Variants in DENND2B observed in about 807,000 individuals in gnomAD.
The protein encoded by DENND2B is DENN domain-containing protein 2B.
A neutral mutation model predicts 116.0 loss-of-function variants in DENND2B; 32 were observed. The observed-to-expected ratio is 0.28, with a 90% CI of 0.21 to 0.37. DENND2B has a LOEUF of 0.37. Ranked by LOEUF, DENND2B falls within the 10% of genes least tolerant of loss-of-function variation. The pLI is 1.00. For synonymous variants in DENND2B, 588 were observed against 583.9 expected, an observed-to-expected ratio of 1.01 and a Z score of -0.10; for missense variants, 1,276 against 1,477.7, an observed-to-expected ratio of 0.86 and a Z score of 2.24.
At chr11:8,713,211 T>C (rs2044087527) in intron 8 of DENND2B, among the ~76,000 whole-genome samples, 1 of 152,070 alleles carries the variant, frequency 6.6e-6, no homozygotes, top group African/African-American at 2.4e-5. Flanking sequence ...CAAAGATTTA[T>C]CCAAGGACCC....
intron 1 of DENND2B, among the ~76,000 whole-genome samples, chr11:8,760,919 GAC>G (rs1199287037): frequency 6.6e-6 from 1 of 152,136 alleles, no homozygotes; most frequent in East Asian, 1.9e-4. Flanking sequence ...CCACAGGAAA[GAC>G]AATTTTTTTG....
chr11:8,715,540 GAA>G, intron 6 of DENND2B, 61 bp downstream of exon 6: 1 of 1,545,556 alleles, frequency 6.5e-7, no homozygotes, highest in Non-Finnish European at 8.9e-7. Flanking sequence ...GAAAGAGAGA[GAA>G]AGGCTGGCTG....
At chr11:8,862,347 T>G (rs1283317435) in intron 2 of DENND2B, among the ~76,000 whole-genome samples, 1 of 55,216 alleles carries the variant, frequency 1.8e-5, no homozygotes, top group African/African-American at 5.6e-5. Context: ...TTTTTTTTTT[T>G]GAGACAGGGT....
chr11:8,706,801 G>A (rs1002328595), intron 13 of DENND2B, among the ~76,000 whole-genome samples: 3 of 152,200 alleles, frequency 2.0e-5, no homozygotes, highest in South Asian at 4.1e-4. Context: ...CTGATTGTGA[G>A]ATGGCACACA....
intron 2 of DENND2B, among the ~76,000 whole-genome samples, chr11:8,738,460 G>A (rs376237714): frequency 4.6e-5 from 7 of 152,114 alleles, no homozygotes; most frequent in African/African-American, 1.2e-4. Flanking sequence ...CATTCCAGAG[G>A]GGGGAGAAAA....
intron 2 of DENND2B, among the ~76,000 whole-genome samples, chr11:8,864,456 G>T (rs900250629): frequency 8.5e-5 from 13 of 152,074 alleles, no homozygotes; most frequent in African/African-American, 3.1e-4. Context: ...TTTTCATAAG[G>T]ACAGAGTCTC....
chr11:8,881,047 C>T (rs2063899379), exon 2 of DENND2B: 3 of 152,162 alleles, frequency 2.0e-5, no homozygotes, highest in South Asian at 4.1e-4. Context: ...CTCATGTCTT[C>T]CTGTTTCCTG....
At chr11:8,721,849 C>T (rs140687933) in intron 4 of DENND2B, among the ~76,000 whole-genome samples, 79 of 152,358 alleles carry the variant, frequency 5.2e-4, no homozygotes, top group African/African-American at 1.7e-3. Flanking sequence ...CTGACTGGCC[C>T]GGTCCCCGGC....
At chr11:8,825,566 C>T (rs1329767707) in intron 4 of DENND2B, among the ~76,000 whole-genome samples, 1 of 151,768 alleles carries the variant, frequency 6.6e-6, no homozygotes, top group Non-Finnish European at 1.5e-5. Context: ...ATCATGGTTA[C>T]CCTTTTTATC....
In DENND2B at chr11:8,702,549, T is replaced by A; in HGVS notation, c.2720+23A>T. On this transcript the variant is annotated intron_variant, in intron 14 of 19. Coordinates refer to ENST00000313726, the MANE Select transcript of DENND2B (RefSeq NM_213618.2). This position sits in a 1 kb window ranked among gnomAD's most constrained non-coding sequence, Gnocchi z 4.6. ...GTGTGCCTTCCCCCCTCCCTTCTGC[T>A]TTCTTGCCCGGCTGGGCCCTACCTG... The A allele has an allele frequency of 2.5e-6, 4 of 1,608,706 alleles. No homozygotes were observed. Among genetic ancestry groups the A allele is most frequent in the Non-Finnish European group, 3.4e-6 (4 of 1,179,926 alleles).
intron 3 of DENND2B, among the ~76,000 whole-genome samples, chr11:8,856,900 T>G (rs940267267): frequency 6.6e-6 from 1 of 152,040 alleles, no homozygotes; most frequent in Admixed American, 6.6e-5. Flanking sequence ...ACTACAGATG[T>G]GTGCCACCAT....
At chr11:8,694,443 G>A (rs2039959697) in intron 19 of DENND2B, 2 of 450,192 alleles carry the variant, frequency 4.4e-6, no homozygotes, top group South Asian at 1.9e-5. Context: ...TTGCAGGAAG[G>A]GCACTCGCAC....
intron 4 of DENND2B, among the ~76,000 whole-genome samples, chr11:8,832,228 G>A (rs1033019346): frequency 2.3e-4 from 35 of 152,032 alleles, no homozygotes; most frequent in South Asian, 4.1e-4. Context: ...CGAGGTGGGC[G>A]GATCACAAGG....
intron 1 of DENND2B, among the ~76,000 whole-genome samples, chr11:8,774,971 C>T (rs1333372010): frequency 1.3e-5 from 2 of 151,890 alleles, no homozygotes; most frequent in African/African-American, 4.8e-5. Flanking sequence ...ACTTCCACCT[C>T]CCAGGTTCAT....
chr11:8,730,357 G>T lies in DENND2B; in HGVS notation c.933C>A (p.Asp311Glu), dbSNP rs1462102229. The change falls in exon 3 of 20, where the codon GAC becomes GAA. Residue 311 changes from aspartate (D) to glutamate (E), a missense_variant. By Grantham distance (45) the Asp-to-Glu change is conservative (BLOSUM62 2). Transcript: ENST00000313726. This position sits in a 1 kb window ranked among gnomAD's most constrained non-coding sequence, Gnocchi z 4.1. ...PQLPSSCYSVDRGKRKTGTLG... is the reference protein window; with the variant it reads ...PQLPSSCYSVERGKRKTGTLG... ...AGGTTCCAGTCTTCCTTTTCCCCCGGTCCACGCTGTAGCAGCTGCTGGGGA... is the reference window on the plus strand; with the variant it reads ...AGGTTCCAGTCTTCCTTTTCCCCCGTTCCACGCTGTAGCAGCTGCTGGGGA... The T allele has an allele frequency of 1.2e-6, 2 of 1,602,376 alleles. No individual in the cohort carries two copies. Among genetic ancestry groups the T allele is most frequent in the Non-Finnish European group, 8.5e-7 (1 of 1,179,060 alleles).
intron 1 of DENND2B, among the ~76,000 whole-genome samples, chr11:8,901,229 C>CTTTTTTTTTTT (rs1555223231): frequency 6.0e-5 from 5 of 83,920 alleles, no homozygotes; most frequent in South Asian, 3.8e-4. Flanking sequence ...CTTTTCTTTT[C>CTTTTTTTTTTT]TTTTTTTTTT....
intron 1 of DENND2B, chr11:8,766,582 C>A: frequency 7.8e-7 from 1 of 1,277,124 alleles, no homozygotes; most frequent in African/African-American, 1.5e-5. Flanking sequence ...CACTGACAGA[C>A]CATCCACTGA....
At position 8,704,556 on chromosome 11, in the gene DENND2B, C is replaced by G. The variant is rs144176846; in HGVS notation, c.2572-1836G>C. On this transcript the variant is annotated intron_variant, in intron 13 of 19. Transcript: ENST00000313726. ...AAGAGGCGAGGAGAAAGCCCTCAAG[C>G]TAGGATTTGCCACTGCTCAGCAAGC... Among the ~76,000 whole-genome samples the G allele has an allele frequency of 4.4e-3, 663 of 152,348 alleles. 4 individuals are homozygous for G. The highest frequency in any genetic ancestry group is 0.015 in the African/African-American group (620 of 41,588).
At chr11:8,862,062 G>A (rs901666878) in intron 2 of DENND2B, among the ~76,000 whole-genome samples, 1 of 151,860 alleles carries the variant, frequency 6.6e-6, no homozygotes, top group Non-Finnish European at 1.5e-5. Flanking sequence ...GGGAGATGAA[G>A]GGTTACAAAG....
Sources: allele counts gnomAD v4.1 joint callset (sites outside exome capture counted in the v4.1 genomes callset), GRCh38; gene constraint gnomAD v4.1.1; non-coding constraint Gnocchi (gnomAD v3.1); transcripts MANE v1.5; gene names NCBI Gene and HGNC (gene_info 2026-07-23, HGNC 2026-07-21).